Variants in COX6C observed in about 807,000 individuals in gnomAD.
The protein encoded by COX6C is cytochrome c oxidase subunit 6C.
In COX6C, 3 loss-of-function variants were observed where a neutral mutation model predicts 6.9. The observed-to-expected ratio is 0.43, with a 90% confidence interval of 0.20 to 1.12. The LOEUF (loss-of-function observed/expected upper bound fraction) is 1.12, where lower values mean the gene tolerates loss of function less well. Among genes scored for constraint, COX6C ranks in the 50% most tolerant of loss-of-function variants. COX6C has a pLI of 0.27. For synonymous variants in COX6C, 32 were observed against 32.0 expected, an observed-to-expected ratio of 1.00 and a Z score of 0.00; for missense variants, 101 against 97.3, an observed-to-expected ratio of 1.04 and a Z score of -0.16.
Position 99,892,032 on chromosome 8 carries a change from G to C in COX6C, c.-11C>G, listed in dbSNP as rs774333000. ...AACTTCGGGAGCCATGGTAGTTACT[G>C]TCCTTGATACGTATGCTAACCTTAA... is the stretch of plus-strand genomic sequence containing the variant. On this transcript the variant is annotated 5_prime_UTR_variant, in exon 2 of 4. Coordinates refer to ENST00000520468, the MANE Select transcript of COX6C (RefSeq NM_004374.4). The C allele has an allele frequency of 6.3e-7, 1 of 1,594,614 alleles. No individual in the cohort carries two copies. Among genetic ancestry groups the C allele is most frequent in the South Asian group, 1.1e-5 (1 of 89,844 alleles).
chr8:99,885,510 C>T (rs1002885736), intron 3 of COX6C, among the ~76,000 whole-genome samples: 3 of 152,132 alleles, frequency 2.0e-5, no homozygotes, highest in African/African-American at 7.2e-5. Context: ...TAAACTCTCG[C>T]ATTTAGAGTC....
intron 2 of COX6C, 120 bp downstream of exon 2, chr8:99,891,788 T>C (rs1818055903): frequency 4.8e-6 from 4 of 825,070 alleles, no homozygotes; most frequent in Non-Finnish European, 8.2e-6. Flanking sequence ...CCTGTCACAC[T>C]GAGGTGAGTG....
At chr8:99,888,677 CAG>C (rs1721022806) in intron 2 of COX6C, among the ~76,000 whole-genome samples, 1 of 152,358 alleles carries the variant, frequency 6.6e-6, no homozygotes, top group Non-Finnish European at 1.5e-5. Context: ...ATCCATCTGA[CAG>C]AGAGACAGCC....
In COX6C at chr8:99,893,654, C is replaced by T. The variant is rs1318737910; in HGVS notation, c.-47G>A. On this transcript the variant is annotated 5_prime_UTR_variant, in exon 1 of 4. Coordinates refer to ENST00000520468, the MANE Select transcript of COX6C (RefSeq NM_004374.4). ...CCGGACTCACCTCAACACCAACGTC[C>T]TTCCTGACTAAAGGAAAAACGAACC... is the stretch of plus-strand genomic sequence containing the variant. 1 of 152,308 alleles carries T rather than the reference C, an allele frequency of 6.6e-6. No homozygotes were observed. The highest frequency in any genetic ancestry group is 1.9e-4 in the East Asian group (1 of 5,200). 9.4% of individuals were successfully genotyped at this position (152,308 alleles called of 1,614,324 possible). A position where few individuals can be genotyped will look rare whatever the true frequency, so the allele number is the denominator to read the frequency against.
intron 3 of COX6C, among the ~76,000 whole-genome samples, chr8:99,881,361 T>TAA (rs202059068): frequency 5.0e-5 from 7 of 139,854 alleles, no homozygotes; most frequent in Non-Finnish European, 4.7e-5. Context: ...CTCCATCTCT[T>TAA]AAAAAAAAAA....
intron 3 of COX6C, among the ~76,000 whole-genome samples, chr8:99,883,253 T>C (rs1220865845): frequency 6.6e-6 from 1 of 152,074 alleles, no homozygotes; most frequent in Admixed American, 6.6e-5. Context: ...CATATTCTGT[T>C]ATCCAGGATG....
chr8:99,885,462 C>T (rs558632912), intron 3 of COX6C, among the ~76,000 whole-genome samples: 16 of 152,126 alleles, frequency 1.1e-4, no homozygotes, highest in Middle Eastern at 3.4e-3. Flanking sequence ...AGTACTGCCC[C>T]GAAGACAGAC....
At chr8:99,887,288 T>A (rs1229581680) in intron 3 of COX6C, 4 of 389,630 alleles carry the variant, frequency 1.0e-5, no homozygotes, top group East Asian at 4.6e-5. Flanking sequence ...CTCCCCCACA[T>A]CACAAAAGTA....
chr8:99,879,651 T>A (rs1291460684), intron 3 of COX6C, among the ~76,000 whole-genome samples: 1 of 152,222 alleles, frequency 6.6e-6, no homozygotes, highest in African/African-American at 2.4e-5. Context: ...GGAAATTTCA[T>A]GGCATTTTTG....
chr8:99,889,539 C>A (rs917715066), intron 2 of COX6C, among the ~76,000 whole-genome samples: 2 of 151,988 alleles, frequency 1.3e-5, no homozygotes, highest in Admixed American at 6.6e-5. Flanking sequence ...GTGCCCGACA[C>A]CACGCCCGGC....
chr8:99,883,453 GTA>G (rs1554593062), intron 3 of COX6C, among the ~76,000 whole-genome samples: 103 of 135,130 alleles, frequency 7.6e-4, no homozygotes, highest in Middle Eastern at 3.7e-3. Context: ...GTGTGTGTGT[GTA>G]TATATATATA....
At chr8:99,887,429 G>A (rs146227276) in intron 3 of COX6C, 61 bp downstream of exon 3, 3 of 919,754 alleles carry the variant, frequency 3.3e-6, no homozygotes, top group African/African-American at 1.8e-5. Context: ...ACAGTCACCT[G>A]TATTTGCATT....
At chr8:99,881,235 C>G (rs533330208) in intron 3 of COX6C, among the ~76,000 whole-genome samples, 1 of 152,126 alleles carries the variant, frequency 6.6e-6, no homozygotes, top group South Asian at 2.1e-4. Flanking sequence ...TGGGGTGCAT[C>G]TGTAATTCAA....
chr8:99,893,380 A>G (rs1489447129), intron 1 of COX6C: 1 of 152,234 alleles, frequency 6.6e-6, no homozygotes, highest in African/African-American at 2.4e-5. Context: ...CTCACTCCGA[A>G]GCCAGCTGGG....
chr8:99,878,807 A>C (rs1817799150), intron 3 of COX6C: 1 of 152,238 alleles, frequency 6.6e-6, no homozygotes, highest in Non-Finnish European at 1.5e-5. Flanking sequence ...GATTATAAAC[A>C]ACCATTAATA....
intron 2 of COX6C, among the ~76,000 whole-genome samples, chr8:99,890,530 C>T (rs1270915470): frequency 7.9e-5 from 12 of 152,224 alleles, no homozygotes. Flanking sequence ...TCTTATTCAA[C>T]AGGTCCTTTT....
At chr8:99,892,561 A>G (rs1450434147) in intron 1 of COX6C, among the ~76,000 whole-genome samples, 1 of 152,118 alleles carries the variant, frequency 6.6e-6, no homozygotes, top group African/African-American at 2.4e-5. Flanking sequence ...CTCAGAAAAG[A>G]TATCAAAAGG....
At chr8:99,886,600 G>C (rs1219247699) in intron 3 of COX6C, among the ~76,000 whole-genome samples, 1 of 151,654 alleles carries the variant, frequency 6.6e-6, no homozygotes, top group African/African-American at 2.4e-5. Context: ...TCAAAAAGTG[G>C]AAGCAACCCA....
chr8:99,889,782 G>T (rs1300350477), intron 2 of COX6C, among the ~76,000 whole-genome samples: 1 of 151,114 alleles, frequency 6.6e-6, no homozygotes, highest in East Asian at 2.0e-4. Context: ...GGCACATCAT[G>T]TATTTTTGTA....
Sources: allele counts gnomAD v4.1 joint callset (sites outside exome capture counted in the v4.1 genomes callset), GRCh38; gene constraint gnomAD v4.1.1; transcripts MANE v1.5; gene names NCBI Gene and HGNC (gene_info 2026-07-23, HGNC 2026-07-21).